KIF6: variants seen among roughly 807,000 people sequenced by gnomAD.
The protein encoded by KIF6 is kinesin-like protein KIF6.
In KIF6, 106 loss-of-function variants were observed where a neutral mutation model predicts 112.7. The observed-to-expected ratio is 0.94, with a 90% CI of 0.80 to 1.11. The LOEUF (loss-of-function observed/expected upper bound fraction) is 1.11, where lower values mean the gene tolerates loss of function less well. Ranked by LOEUF, KIF6 falls within the 50% of genes least tolerant of loss-of-function variation. KIF6 has a pLI of 0.00. For synonymous variants in KIF6, 339 were observed against 339.9 expected (o/e 1.00, Z 0.03); for missense variants, 929 against 964.0 (o/e 0.96, Z 0.48).
At chr6:39,568,233 G>T (rs1178099057) in intron 10 of KIF6, among the ~76,000 whole-genome samples, 3 of 152,190 alleles carry the variant, frequency 2.0e-5, no homozygotes, top group Non-Finnish European at 2.9e-5. Context: ...TATACAGGGG[G>T]TAACGAGTGA....
chr6:39,463,271 C>T (rs1194821499), intron 13 of KIF6, among the ~76,000 whole-genome samples: 2 of 152,128 alleles, frequency 1.3e-5, no homozygotes, highest in Non-Finnish European at 2.9e-5. Context: ...GAGACTAGGC[C>T]TCCAACTAAC....
At position 39,337,172 on chromosome 6, in the gene KIF6, C is replaced by CTTCCTTCTTTCTTTCTTTCTTTCTTTCT. The variant is rs1554195076; in HGVS notation, c.2429-625_2429-624insAGAAAGAAAGAAAGAAAGAAAGAAGGAA. Among the ~76,000 whole-genome samples, 177 of 59,490 alleles carry CTTCCTTCTTTCTTTCTTTCTTTCTTTCT rather than the reference C, an allele frequency of 3.0e-3. 2 individuals are homozygous for CTTCCTTCTTTCTTTCTTTCTTTCTTTCT. Among genetic ancestry groups the CTTCCTTCTTTCTTTCTTTCTTTCTTTCT allele is most frequent in the South Asian group, 3.9e-3 (6 of 1,530 alleles). The allele number at this position is 59,490 out of a possible 152,430, so 39.0% of individuals were successfully genotyped here. A position where few individuals can be genotyped will look rare whatever the true frequency, so the allele number is the denominator to read the frequency against. Reference sequence around the variant, plus strand: ...TCTCTTTCTTTTCTTTCTTTCCTTCCTTCTTTCTTTCTTTCTTTCTTTCTT... The same window carrying CTTCCTTCTTTCTTTCTTTCTTTCTTTCT: ...TCTCTTTCTTTTCTTTCTTTCCTTCCTTCCTTCTTTCTTTCTTTCTTTCTTTCTTTCTTTCTTTCTTTCTTTCTTTCTT... On this transcript the variant is annotated intron_variant, in intron 22 of 22. Transcript: ENST00000287152.
intron 21 of KIF6, among the ~76,000 whole-genome samples, chr6:39,344,626 A>G (rs1763570243): frequency 6.6e-6 from 1 of 151,774 alleles, no homozygotes; most frequent in Non-Finnish European, 1.5e-5. Flanking sequence ...TGCCTTCTCT[A>G]TCCTCTTACC....
chr6:39,500,429 A>G (rs993995096), intron 13 of KIF6, among the ~76,000 whole-genome samples: 1 of 152,224 alleles, frequency 6.6e-6, no homozygotes, highest in Non-Finnish European at 1.5e-5. Context: ...TTTCCCACTT[A>G]GACAACTGCA....
chr6:39,692,269 A>C (rs904101955), intron 3 of KIF6, among the ~76,000 whole-genome samples: 2 of 152,222 alleles, frequency 1.3e-5, no homozygotes, highest in African/African-American at 4.8e-5. Context: ...ACTTGCAAAC[A>C]AACCTGTCTC....
At chr6:39,623,728 A>C (rs1582298511) in intron 5 of KIF6, among the ~76,000 whole-genome samples, 1 of 152,328 alleles carries the variant, frequency 6.6e-6, no homozygotes, top group South Asian at 2.1e-4. Context: ...AAAAACACAA[A>C]GCCAATTACA....
At chr6:39,381,427 G>A (rs1766931156) in intron 16 of KIF6, among the ~76,000 whole-genome samples, 1 of 152,156 alleles carries the variant, frequency 6.6e-6, no homozygotes, top group African/African-American at 2.4e-5. Flanking sequence ...GAAAGGGGGC[G>A]TACCACTGAG....
chr6:39,539,080 G>C (rs930606472), intron 13 of KIF6, among the ~76,000 whole-genome samples: 8 of 108,980 alleles, frequency 7.3e-5, no homozygotes, highest in Non-Finnish European at 1.1e-4. Flanking sequence ...GGTGGGGGGA[G>C]GGGGGAGGGA....
At position 39,540,044 on chromosome 6, in the gene KIF6, C is replaced by G. The variant is rs771187928; in HGVS notation, c.1604G>C (p.Ser535Thr). The change falls in exon 13 of 23, where the codon AGC (serine) becomes ACC (threonine). Residue 535 changes from serine to threonine, a missense_variant. Coordinates refer to ENST00000287152, the MANE Select transcript of KIF6 (RefSeq NM_145027.6). Reference protein sequence around the residue: ...SSAPSQAQDFSILGKRSSLLH... With the variant: ...SSAPSQAQDFTILGKRSSLLH... ...CAAACTGGATCTTTTCCCCAAAATG[C>G]TGAAGTCCTGGGCCTGTGAGGGAGC... 4 of 1,607,678 alleles carry G rather than the reference C, an allele frequency of 2.5e-6. No homozygotes were observed. Among genetic ancestry groups the G allele is most frequent in the Non-Finnish European group, 3.4e-6 (4 of 1,178,276 alleles).
At chr6:39,337,172 C>CTTTCT (rs1554195075) in intron 22 of KIF6, among the ~76,000 whole-genome samples, 1,133 of 59,426 alleles carry the variant, frequency 0.019, 27 homozygotes, top group Middle Eastern at 0.036. Context: ...TCTTTCCTTC[C>CTTTCT]TTCTTTCTTT....
chr6:39,422,045 A>C (rs2150367348), intron 14 of KIF6, among the ~76,000 whole-genome samples: 1 of 152,246 alleles, frequency 6.6e-6, no homozygotes, highest in Admixed American at 6.5e-5. Flanking sequence ...TTGCTCAACG[A>C]GTGACTCCTC....
chr6:39,392,681 A>G (rs1767983880), intron 15 of KIF6, among the ~76,000 whole-genome samples: 1 of 152,230 alleles, frequency 6.6e-6, no homozygotes, highest in African/African-American at 2.4e-5. Flanking sequence ...TCAAAAGTGA[A>G]TTAGTGAATT....
In KIF6 at chr6:39,335,321, CCTT is replaced by C. The variant is rs1399537461; in HGVS notation, c.*1208_*1210del. The C allele has an allele frequency of 2.6e-4, 40 of 152,192 alleles. No individual in the cohort carries two copies. The highest frequency in any genetic ancestry group is 9.4e-4 in the African/African-American group (39 of 41,510). 9.4% of individuals were successfully genotyped at this position (152,192 alleles called of 1,614,324 possible). A position where few individuals can be genotyped will look rare whatever the true frequency, so the allele number is the denominator to read the frequency against. ...AAGCTGAATCTCCCCTTCACTCTGG[CCTT>C]CTAATTATATAAAATAGGGGTGTGG... On this transcript the variant is annotated 3_prime_UTR_variant, in exon 23 of 23. Transcript: ENST00000287152.
intron 13 of KIF6, chr6:39,431,445 C>T (rs924443031): frequency 2.5e-5 from 8 of 318,838 alleles, no homozygotes; most frequent in African/African-American, 1.1e-4. Context: ...AAAACCACAG[C>T]GCCAAGCCCT....
At chr6:39,537,189 C>T (rs1475233541) in intron 13 of KIF6, among the ~76,000 whole-genome samples, 12 of 152,238 alleles carry the variant, frequency 7.9e-5, no homozygotes, top group Admixed American at 3.3e-4. Context: ...CACTCCTATT[C>T]AACATAGTGT....
At chr6:39,603,560 G>A (rs535251789) in intron 6 of KIF6, among the ~76,000 whole-genome samples, 23 of 151,816 alleles carry the variant, frequency 1.5e-4, no homozygotes, top group South Asian at 1.2e-3. Context: ...GTGTGTGTGC[G>A]TGTGTGTCCA....
chr6:39,339,510 G>A (rs1228659624), intron 22 of KIF6, among the ~76,000 whole-genome samples: 1 of 152,128 alleles, frequency 6.6e-6, no homozygotes, highest in African/African-American at 2.4e-5. Flanking sequence ...GCTGGGAGAG[G>A]CAGGACCTCT....
intron 13 of KIF6, among the ~76,000 whole-genome samples, chr6:39,494,495 T>C (rs962395804): frequency 6.6e-6 from 1 of 152,218 alleles, no homozygotes; most frequent in Non-Finnish European, 1.5e-5. Context: ...ATACTTCCAA[T>C]AGTATTTTTA....
At position 39,345,369 on chromosome 6, in the gene KIF6, G is replaced by A. The variant is rs551480686; in HGVS notation, c.2321+331C>T. ...AAATGCTGCTGGGTCTTCAGGCCAG[G>A]CTTGTCAGCTCCCTGCTCTGCTCTG... On this transcript the variant is annotated intron_variant, in intron 21 of 22. Transcript: ENST00000287152. Among the ~76,000 whole-genome samples, 4 of 152,362 alleles carry A rather than the reference G, an allele frequency of 2.6e-5. No homozygotes were observed. The East Asian group carries it at 5.8e-4, about 22-fold the overall frequency.
Sources: allele counts gnomAD v4.1 joint callset (sites outside exome capture counted in the v4.1 genomes callset), GRCh38; gene constraint gnomAD v4.1.1; transcripts MANE v1.5; gene names NCBI Gene and HGNC (gene_info 2026-07-23, HGNC 2026-07-21).